GRAMD1B: variants seen among roughly 807,000 people sequenced by gnomAD.
The protein encoded by GRAMD1B is protein Aster-B.
GRAMD1B carries 37 observed loss-of-function variants against 99.7 expected under a neutral mutation model. That is an observed-to-expected ratio of 0.37 (90% CI 0.29 to 0.49). The LOEUF is 0.49. GRAMD1B is among the 20% of genes least tolerant of loss of function. The pLI is 0.98. For synonymous variants in GRAMD1B, 427 were observed against 387.6 expected (o/e 1.10, Z -1.19); for missense variants, 888 against 1,009.2 (o/e 0.88, Z 1.63).
intron 9 of GRAMD1B, among the ~76,000 whole-genome samples, chr11:123,604,861 G>A (rs74631421): frequency 0.019 from 2,824 of 152,240 alleles, 91 homozygotes; most frequent in African/African-American, 0.064. Context: ...ATGCAGGGAA[G>A]TTTTCTAGTT....
intron 2 of GRAMD1B, among the ~76,000 whole-genome samples, chr11:123,556,776 T>A (rs1454338351): frequency 6.6e-6 from 1 of 152,204 alleles, no homozygotes; most frequent in African/African-American, 2.4e-5. Context: ...AAGTTCCGTT[T>A]GTGGAAGTCC....
chr11:123,418,402 T>A (rs983485485), intron 1 of GRAMD1B, among the ~76,000 whole-genome samples: 1 of 152,188 alleles, frequency 6.6e-6, no homozygotes, highest in African/African-American at 2.4e-5. Context: ...GAAAGAGGAT[T>A]GACTGAACTC....
In GRAMD1B at chr11:123,482,086, A is replaced by G. The variant is rs114325048; in HGVS notation, c.452+1193A>G. The stretch of plus-strand genomic sequence containing the variant: ...CTTTTTAATGGAAATGTGATTTTTT[A>G]ATTTTTTAATTTTTAATTTTTTTTT... On this transcript the variant is annotated intron_variant, in intron 2 of 19. Transcript: ENST00000635736. Among the ~76,000 whole-genome samples, 355 of 152,016 alleles carry G rather than the reference A, an allele frequency of 2.3e-3. 1 individual carries two copies. The highest frequency in any genetic ancestry group is 8.2e-3 in the African/African-American group (338 of 41,466).
At chr11:123,522,719 A>G (rs976501473) in intron 2 of GRAMD1B, among the ~76,000 whole-genome samples, 4 of 152,198 alleles carry the variant, frequency 2.6e-5, no homozygotes, top group Admixed American at 2.6e-4. Flanking sequence ...TTCGAGGCAG[A>G]TGATGATCGC....
chr11:123,542,932 G>A (rs1296962158), intron 2 of GRAMD1B, among the ~76,000 whole-genome samples: 2 of 152,112 alleles, frequency 1.3e-5, no homozygotes, highest in Non-Finnish European at 2.9e-5. Flanking sequence ...GGGATTACAG[G>A]CATGAGCCAC....
chr11:123,403,668 C>T (rs563250654), intron 1 of GRAMD1B, among the ~76,000 whole-genome samples: 35 of 151,570 alleles, frequency 2.3e-4, no homozygotes, highest in African/African-American at 7.5e-4. Flanking sequence ...CTCAGCCTCC[C>T]GAGTAGCTGG....
intron 1 of GRAMD1B, among the ~76,000 whole-genome samples, chr11:123,397,800 C>T (rs925488431): frequency 6.6e-6 from 1 of 152,226 alleles, no homozygotes; most frequent in African/African-American, 2.4e-5. Context: ...TGAGCCACCA[C>T]ACCCAACCTA....
At chr11:123,412,968 G>A (rs1350873717) in intron 1 of GRAMD1B, among the ~76,000 whole-genome samples, 2 of 152,088 alleles carry the variant, frequency 1.3e-5, no homozygotes, top group East Asian at 1.9e-4. Flanking sequence ...TTTTAGTAGC[G>A]ATGGGGTTTC....
intron 2 of GRAMD1B, among the ~76,000 whole-genome samples, chr11:123,554,039 A>G (rs1295368819): frequency 6.6e-6 from 1 of 152,138 alleles, no homozygotes; most frequent in Admixed American, 6.5e-5. Flanking sequence ...TTTCACTCTC[A>G]GGGCAGCCAG....
intron 3 of GRAMD1B, among the ~76,000 whole-genome samples, chr11:123,579,491 G>A (rs1292307438): frequency 2.6e-5 from 4 of 152,200 alleles, no homozygotes; most frequent in Admixed American, 6.5e-5. Context: ...TACCTGGAGC[G>A]AGGAAGCCAG....
chr11:123,577,232 C>A (rs752209376), intron 2 of GRAMD1B, 135 bp from the exon 3 acceptor site: 3 of 744,312 alleles, frequency 4.0e-6, no homozygotes, highest in Non-Finnish European at 6.8e-6. Context: ...CCCTCTCTCC[C>A]GGTTTCTCCC....
rs147231240 is a variant in GRAMD1B at position 123,591,087 on chromosome 11, T to C, written c.685-2995T>C. 8.7e-3 allele frequency: 1,890 copies of C among 216,510 alleles called. 32 individuals are homozygous for C. The highest frequency in any genetic ancestry group is 0.039 in the African/African-American group (1,730 of 44,072). 13.4% of individuals were successfully genotyped at this position (216,510 alleles called of 1,614,324 possible). On this transcript the variant is annotated intron_variant, in intron 4 of 19. Transcript: ENST00000635736. The surrounding 1 kb of genome is among the most constrained non-coding windows in gnomAD (Gnocchi z 4.7). ...GGTGGAGGTGCGTGACCACACCACC[T>C]CTGGGCTACTCTCTGCCCGTGGACC...
chr11:123,605,314 C>T lies in GRAMD1B; in HGVS notation c.1167-8C>T, dbSNP rs753995133. 3 of 1,595,996 alleles carry T rather than the reference C, an allele frequency of 1.9e-6. No individual in the cohort carries two copies. ...GGGTAATGTGGACTCACTGGTGTCT[C>T]CTCTCAGATACTGTGAAGAGATCCC... On this transcript the variant is annotated splice_polypyrimidine_tract_variant and splice_region_variant and intron_variant, in intron 9 of 19. Transcript: ENST00000635736.
At chr11:123,580,285 A>G (rs1438221051) in intron 3 of GRAMD1B, among the ~76,000 whole-genome samples, 1 of 152,208 alleles carries the variant, frequency 6.6e-6, no homozygotes, top group East Asian at 1.9e-4. Context: ...GGCCTGAAGT[A>G]GATGGTGCGG....
rs533269247 is a variant in GRAMD1B, at chr11:123,516,020, C to T, written c.452+35127C>T. On this transcript the variant is annotated intron_variant, in intron 2 of 19. Transcript: ENST00000635736. Reference sequence around the variant, plus strand: ...TAGAGCTCAAGTGATCTGCCCACCTCGGCCTCCCAAAGTGCCAAGATTACA... The same window carrying T: ...TAGAGCTCAAGTGATCTGCCCACCTTGGCCTCCCAAAGTGCCAAGATTACA... 1.1e-4 allele frequency among the ~76,000 whole-genome samples: 16 copies of T among 152,308 alleles called. No individual in the cohort carries two copies. The East Asian group carries it at 2.1e-3, about 20-fold the overall frequency.
chr11:123,577,591 C>T lies in GRAMD1B; in HGVS notation c.663+14C>T, dbSNP rs368507512. Reference sequence around the variant, plus strand: ...AAGAATTCCAAGGTGAGCGGGACCCCGTTGAGGCGGTACCTCCTTGTCAGG... The same window carrying T: ...AAGAATTCCAAGGTGAGCGGGACCCTGTTGAGGCGGTACCTCCTTGTCAGG... On this transcript the variant is annotated intron_variant, in intron 3 of 19. Coordinates refer to ENST00000635736, the MANE Select transcript of GRAMD1B (RefSeq NM_001387025.1). 2.6e-5 allele frequency: 41 copies of T among 1,560,070 alleles called. No homozygotes were observed. Among genetic ancestry groups the T allele is most frequent in the Non-Finnish European group, 3.5e-5 (40 of 1,150,108 alleles).
At position 123,610,252 on chromosome 11, in the gene GRAMD1B, C is replaced by T; in HGVS notation, c.1833C>T (p.Leu611=). 6.2e-7 allele frequency: 1 copy of T among 1,613,730 alleles called. No individual in the cohort carries two copies. The highest frequency in any genetic ancestry group is 1.1e-5 in the South Asian group (1 of 91,068). The change falls in exon 14 of 20, where the codon CTC becomes CTT. Residue 611 remains leucine, a synonymous_variant. Transcript: ENST00000635736. This position sits in a 1 kb window ranked among gnomAD's most constrained non-coding sequence, Gnocchi z 4.1. ...SECYVIDAEV[L]THDVPYHDYF... ...GTTACGTGATAGATGCCGAAGTCCT[C>T]ACCCACGACGTGCCCTACCATGACT...
chr11:123,540,898 T>G (rs1944445301), intron 2 of GRAMD1B, among the ~76,000 whole-genome samples: 1 of 152,216 alleles, frequency 6.6e-6, no homozygotes, highest in Non-Finnish European at 1.5e-5. Context: ...TCTACTTGTA[T>G]TTGACATTGA....
intron 8 of GRAMD1B, among the ~76,000 whole-genome samples, chr11:123,601,431 G>A (rs530548928): frequency 1.3e-4 from 20 of 151,776 alleles, no homozygotes; most frequent in Admixed American, 1.2e-3. Flanking sequence ...TGGATGTTGA[G>A]AAACTGTCTC....
Sources: gnomAD v4.1 joint callset for allele counts (sites outside exome capture counted in the v4.1 genomes callset) on GRCh38, gnomAD v4.1.1 for gene constraint, Gnocchi (gnomAD v3.1) non-coding constraint, MANE v1.5 for transcripts, NCBI Gene and HGNC (gene_info 2026-07-23, HGNC 2026-07-21) for gene names.